Variants in ARL2BP observed in about 807,000 individuals in gnomAD.
The protein encoded by ARL2BP is ARF like GTPase 2 binding protein, also known as ADP-ribosylation factor-like protein 2-binding protein.
In ARL2BP, 19 loss-of-function variants were observed where a neutral mutation model predicts 24.2. The observed-to-expected ratio is 0.79, with a 90% confidence interval of 0.55 to 1.15. The LOEUF is 1.15. Ranked by LOEUF, ARL2BP falls within the 50% of genes most tolerant of loss-of-function variation. ARL2BP has a pLI of 0.00. For missense variants in ARL2BP, 160 were observed against 190.4 expected (o/e 0.84, Z 0.94); for synonymous variants, 56 against 70.5 (o/e 0.79, Z 1.03).
intron 5 of ARL2BP, chr16:57,251,803 A>T (rs746525509): frequency 2.0e-4 from 36 of 181,810 alleles, no homozygotes; most frequent in South Asian, 1.1e-3. Context: ...CTACAAAAAT[A>T]AAAATAAAAA....
intron 2 of ARL2BP, chr16:57,247,404 G>T (rs2146427060): frequency 6.6e-6 from 1 of 152,054 alleles, no homozygotes; most frequent in South Asian, 2.1e-4. Context: ...CTTATTCCGG[G>T]ATGGGTACGG....
intron 4 of ARL2BP, chr16:57,250,172 C>T (rs2075402881): frequency 5.0e-6 from 3 of 598,974 alleles, no homozygotes; most frequent in Admixed American, 3.0e-5. Context: ...TACCTGTGGG[C>T]CTAGCTACTC....
intron 1 of ARL2BP, 58 bp downstream of exon 1, chr16:57,245,463 C>T (rs745796623): frequency 1.9e-6 from 3 of 1,581,280 alleles, no homozygotes; most frequent in Non-Finnish European, 2.6e-6. Flanking sequence ...GGCGTTCGCC[C>T]CGGGGCCTGA....
At position 57,246,142 on chromosome 16, in the gene ARL2BP, G is replaced by C; in HGVS notation, c.100+1G>C. 1.2e-6 allele frequency: 2 copies of C among 1,613,588 alleles called. No individual in the cohort carries two copies. The highest frequency in any genetic ancestry group is 1.7e-6 in the Non-Finnish European group (2 of 1,179,612). On this transcript the variant is annotated splice_donor_variant, in intron 2 of 5. Transcript: ENST00000219204. LOFTEE classifies it high-confidence loss of function. ...GGATATTTAGAGGACATTATCATGG[G>C]TAAGCTTTTAAGATACTGTTTTTAA...
At chr16:57,251,458 A>T (rs2075407556) in intron 5 of ARL2BP, 1 of 152,210 alleles carries the variant, frequency 6.6e-6, no homozygotes, top group Non-Finnish European at 1.5e-5. Context: ...GCATGCCTGT[A>T]GTCCCAGCTA....
rs142988178 is a variant in ARL2BP at position 57,250,355 on chromosome 16, A to G, written c.294-56A>G. The G allele has an allele frequency of 9.9e-3, 15,017 of 1,509,654 alleles. 89 individuals carry two copies. The highest frequency in any genetic ancestry group is 0.012 in the Non-Finnish European group (12,776 of 1,086,926). The allele number at this position is 1,509,654 out of a possible 1,614,324, so 93.5% of individuals were successfully genotyped here. On this transcript the variant is annotated intron_variant, in intron 4 of 5. Coordinates refer to ENST00000219204, the MANE Select transcript of ARL2BP (RefSeq NM_012106.4). ...GGTGGTGGAAAGAAAAACGAAAGCA[A>G]TCTTGAGGACTGTCTCATCATTCAT...
chr16:57,245,479 TA>T, intron 1 of ARL2BP, 74 bp downstream of exon 1: 1 of 1,561,388 alleles, frequency 6.4e-7, no homozygotes, highest in Non-Finnish European at 8.7e-7. Context: ...CCTGACCCTA[TA>T]AAACAGGTGT....
intron 4 of ARL2BP, 95 bp downstream of exon 4, chr16:57,249,947 T>G: frequency 8.6e-7 from 1 of 1,160,414 alleles, no homozygotes. Context: ...TTTGTTTTCC[T>G]GTGCATGCCG....
At chr16:57,245,721 C>G (rs2075388177) in intron 1 of ARL2BP, 4 of 523,286 alleles carry the variant, frequency 7.6e-6, no homozygotes, top group Non-Finnish European at 1.4e-5. Context: ...CCCTCCACCC[C>G]TCCCTGGCCC....
rs1174218649 is a variant in ARL2BP at position 57,252,986 on chromosome 16, T to G, written c.*719T>G. ...TAGATGAATACTCAGGCTAACCTAG[T>G]GGATGTGATCTTGGAACTTCCATGA... On this transcript the variant is annotated 3_prime_UTR_variant, in exon 6 of 6. Coordinates refer to ENST00000219204, the MANE Select transcript of ARL2BP (RefSeq NM_012106.4). 1 of 152,802 alleles carries G rather than the reference T, an allele frequency of 6.5e-6. No individual in the cohort carries two copies. Among genetic ancestry groups the G allele is most frequent in the Admixed American group, 6.5e-5 (1 of 15,298 alleles). 9.5% of individuals were successfully genotyped at this position (152,802 alleles called of 1,614,324 possible).
In ARL2BP at chr16:57,246,038, T is replaced by C. The variant is rs1225066673; in HGVS notation, c.39-42T>C. 5 of 1,596,814 alleles carry C rather than the reference T, an allele frequency of 3.1e-6. No individual in the cohort carries two copies. The South Asian group carries it at 5.6e-5, about 18-fold the overall frequency. On this transcript the variant is annotated intron_variant, in intron 1 of 5. Transcript: ENST00000219204. ...GTCCATACTAAAAACATTTTTTTAA[T>C]GCATTATTTGAAATAGCACCTAATC...
rs1309255674 is a variant in ARL2BP at position 57,253,565 on chromosome 16, T to C, written c.*1298T>C. ...TACAAGCTCTGTGTTTCTGTACTGA[T>C]GTGTCACTTATTAAATACTTTTGTA... is the stretch of plus-strand genomic sequence containing the variant. On this transcript the variant is annotated 3_prime_UTR_variant, in exon 6 of 6. Coordinates refer to ENST00000219204, the MANE Select transcript of ARL2BP (RefSeq NM_012106.4). 6.6e-6 allele frequency: 1 copy of C among 152,220 alleles called. No individual in the cohort carries two copies. Among genetic ancestry groups the C allele is most frequent in the Non-Finnish European group, 1.5e-5 (1 of 68,042 alleles). 9.4% of individuals were successfully genotyped at this position (152,220 alleles called of 1,614,324 possible).
intron 1 of ARL2BP, 55 bp downstream of exon 1, chr16:57,245,460 G>A: frequency 6.3e-7 from 1 of 1,584,178 alleles, no homozygotes; most frequent in South Asian, 1.2e-5. Flanking sequence ...GCGGGCGTTC[G>A]CCCCGGGGCC....
intron 1 of ARL2BP, chr16:57,245,846 T>G: frequency 5.2e-6 from 3 of 577,210 alleles, no homozygotes; most frequent in South Asian, 2.1e-5. Flanking sequence ...GGAGAACAAG[T>G]TTTTATTAAA....
rs1293196840 is a variant in ARL2BP at position 57,252,059 on chromosome 16, C to T, written c.391-107C>T. ...ATAACCTGTGTTCCCTTCCTATGTA[C>T]TCTGGAGGTCCACGTTCCCACCTTC... On this transcript the variant is annotated intron_variant, in intron 5 of 5. Coordinates refer to ENST00000219204, the MANE Select transcript of ARL2BP (RefSeq NM_012106.4). 4.7e-6 allele frequency: 4 copies of T among 857,640 alleles called. No individual in the cohort carries two copies. The African/African-American group carries it at 6.7e-5, about 14-fold the overall frequency. 53.1% of individuals were successfully genotyped at this position (857,640 alleles called of 1,614,324 possible).
intron 1 of ARL2BP, 129 bp downstream of exon 1, chr16:57,245,534 C>T: frequency 8.1e-7 from 1 of 1,231,970 alleles, no homozygotes; most frequent in Non-Finnish European, 1.1e-6. Flanking sequence ...GTGGGGGCCG[C>T]CAAGGCGCCG....
intron 3 of ARL2BP, 162 bp from the exon 4 acceptor site, chr16:57,249,605 G>C: frequency 1.6e-6 from 1 of 623,362 alleles, no homozygotes; most frequent in Non-Finnish European, 2.9e-6. Flanking sequence ...ACTTCTCCAG[G>C]ACAGGAGCTG....
rs758880525 is a variant in ARL2BP at position 57,248,633 on chromosome 16, TTAATGA to T, written c.198_203del (p.Phe66_Glu68delinsLeu). On this transcript the variant is annotated inframe_deletion, in exon 3 of 6. Transcript: ENST00000219204. ...AATAAACTCATCTACACACCTATTT[TTAATGA>T]ATACGTAAGTAGATTTCTATGTCTC... is the stretch of plus-strand genomic sequence containing the variant. The T allele has an allele frequency of 1.3e-6, 2 of 1,569,312 alleles. No individual in the cohort carries two copies. Among genetic ancestry groups the T allele is most frequent in the Admixed American group, 3.6e-5 (2 of 55,970 alleles).
In ARL2BP at chr16:57,249,863, C is replaced by G. The variant is rs183790810; in HGVS notation, c.293+11C>G. On this transcript the variant is annotated intron_variant, in intron 4 of 5. Transcript: ENST00000219204. Reference sequence around the variant, plus strand: ...CACCACAACATTACAGTGAGTTGAGCTTGACTGATTTTTGTGTTTTGTTTT... The same window carrying G: ...CACCACAACATTACAGTGAGTTGAGGTTGACTGATTTTTGTGTTTTGTTTT... The G allele has an allele frequency of 6.2e-7, 1 of 1,612,514 alleles. No individual in the cohort carries two copies. The highest frequency in any genetic ancestry group is 8.5e-7 in the Non-Finnish European group (1 of 1,178,488).
Sources: gnomAD v4.1 joint callset for allele counts on GRCh38, gnomAD v4.1.1 for gene constraint, MANE v1.5 for transcripts, NCBI Gene and HGNC (gene_info 2026-07-23, HGNC 2026-07-21) for gene names.